Variants in NMU observed in about 807,000 individuals in gnomAD.
The protein encoded by NMU is neuromedin U.
NMU carries 29 observed loss-of-function variants against 35.4 expected under a neutral mutation model. The observed-to-expected ratio is 0.82, with a 90% CI of 0.61 to 1.12. The LOEUF (loss-of-function observed/expected upper bound fraction) is 1.12, where lower values mean the gene tolerates loss of function less well. NMU is among the 50% of genes most tolerant of loss of function. The pLI is 0.00. For missense variants in NMU, 199 were observed against 206.2 expected (o/e 0.97, Z 0.21); for synonymous variants, 78 against 81.3 (o/e 0.96, Z 0.22).
chr4:55,625,805 T>C (rs776343830), intron 2 of NMU, among the ~76,000 whole-genome samples: 1 of 151,692 alleles, frequency 6.6e-6, no homozygotes, highest in Non-Finnish European at 1.5e-5. Context: ...ACACTGTCCA[T>C]TGAGACCTAT....
At chr4:55,595,483 G>A (rs939766397) in intron 9 of NMU, 72 bp from the exon 10 acceptor site, 7 of 146,168 alleles carry the variant, frequency 4.8e-5, no homozygotes, top group African/African-American at 1.8e-4. Flanking sequence ...TTTGTATATA[G>A]ACATTTCTAT....
intron 2 of NMU, 55 bp downstream of exon 2, chr4:55,630,347 A>G (rs1232096048): frequency 6.3e-6 from 8 of 1,272,090 alleles, no homozygotes; most frequent in Non-Finnish European, 9.2e-6. Context: ...TTTTAACATG[A>G]TAATTTCAAA....
chr4:55,608,228 C>CT lies in NMU; in HGVS notation c.280-763dup, dbSNP rs1254948635. 2.7e-5 allele frequency among the ~76,000 whole-genome samples: 4 copies of CT among 146,054 alleles called. No individual in the cohort carries two copies. The East Asian group carries it at 8.1e-4, about 29-fold the overall frequency. ...TTATAATTCCTTTTTTGTTGTTGTT[C>CT]TTTCTCACTTGCTTTTAATACAAAT... is the stretch of plus-strand genomic sequence containing the variant. On this transcript the variant is annotated intron_variant, in intron 4 of 9. Transcript: ENST00000264218.
chr4:55,634,019 T>C (rs1046194333), intron 1 of NMU, among the ~76,000 whole-genome samples: 6 of 152,236 alleles, frequency 3.9e-5, no homozygotes. Context: ...ATGGCCATTG[T>C]ATGCTCTAAT....
intron 7 of NMU, among the ~76,000 whole-genome samples, chr4:55,602,792 A>G (rs1733477932): frequency 6.6e-6 from 1 of 152,190 alleles, no homozygotes; most frequent in Non-Finnish European, 1.5e-5. Flanking sequence ...TTGGCATCAG[A>G]TATTGTCTTC....
intron 2 of NMU, among the ~76,000 whole-genome samples, chr4:55,626,568 G>A (rs532065983): frequency 2.0e-5 from 3 of 152,290 alleles, no homozygotes; most frequent in Admixed American, 6.5e-5. Context: ...TTAGCCGGCC[G>A]TGGTGGCACG....
rs1715926518 is a variant in NMU, at chr4:55,636,282, G to A, written c.-90C>T. 5.0e-6 allele frequency: 7 copies of A among 1,397,760 alleles called. No homozygotes were observed. Among genetic ancestry groups the A allele is most frequent in the Non-Finnish European group, 5.5e-6 (6 of 1,085,150 alleles). The allele number at this position is 1,397,760 out of a possible 1,614,324, so 86.6% of individuals were successfully genotyped here. A position where few individuals can be genotyped will look rare whatever the true frequency, so the allele number is the denominator to read the frequency against. On this transcript the variant is annotated 5_prime_UTR_variant, in exon 1 of 10. Coordinates refer to ENST00000264218, the MANE Select transcript of NMU (RefSeq NM_006681.4). This position sits in a 1 kb window ranked among gnomAD's most constrained non-coding sequence, Gnocchi z 4.0. ...ACCTGGTGCCCTGGCTGTGCCTCGG[G>A]GCCCGGACACAGGACTGAGCGCCCG...
intron 7 of NMU, among the ~76,000 whole-genome samples, chr4:55,601,049 G>A (rs1733405363): frequency 6.6e-6 from 1 of 151,946 alleles, no homozygotes; most frequent in South Asian, 2.1e-4. Context: ...GAAATTGAAG[G>A]ACAAATTTGG....
intron 3 of NMU, among the ~76,000 whole-genome samples, chr4:55,611,349 T>C (rs1442963654): frequency 6.6e-6 from 1 of 152,032 alleles, no homozygotes; most frequent in Non-Finnish European, 1.5e-5. Flanking sequence ...GATGACAGAA[T>C]GAAACCCTGT....
rs938782653 is a variant in NMU at position 55,597,176 on chromosome 4, C to T, written c.*5-1765G>A. On this transcript the variant is annotated intron_variant, in intron 9 of 9. Coordinates refer to ENST00000264218, the MANE Select transcript of NMU (RefSeq NM_006681.4). ...AATATTTATAAATACAATTTACTTA[C>T]AGTTTCATTTTTTTATACTTTTTAA... Among the ~76,000 whole-genome samples the T allele has an allele frequency of 8.6e-5, 13 of 151,892 alleles. 1 individual carries two copies. Among genetic ancestry groups the T allele is most frequent in the Admixed American group, 8.5e-4 (13 of 15,254 alleles).
chr4:55,600,205 T>C (rs759948116), intron 8 of NMU, among the ~76,000 whole-genome samples: 65 of 151,936 alleles, frequency 4.3e-4, no homozygotes, highest in Non-Finnish European at 6.9e-4. Flanking sequence ...AATAATTCCA[T>C]AGAACATAAG....
intron 3 of NMU, among the ~76,000 whole-genome samples, chr4:55,613,039 G>A (rs144448863): frequency 5.3e-5 from 8 of 152,214 alleles, no homozygotes; most frequent in African/African-American, 1.2e-4. Flanking sequence ...TACCCTAAGC[G>A]AAATAACATA....
intron 6 of NMU, 145 bp downstream of exon 6, chr4:55,607,149 TAATA>T (rs111818323): frequency 1.6e-6 from 1 of 621,782 alleles, no homozygotes. Context: ...ATCAAATGTA[TAATA>T]AATATTGAAT....
chr4:55,635,966 A>G (rs1365625941), intron 1 of NMU, 115 bp downstream of exon 1: 1 of 1,507,262 alleles, frequency 6.6e-7, no homozygotes, highest in Non-Finnish European at 8.9e-7. Flanking sequence ...AGAGAAGCCA[A>G]GTGAAGTCCC....
chr4:55,632,363 TAAC>T (rs1373888343), intron 1 of NMU, among the ~76,000 whole-genome samples: 4 of 152,190 alleles, frequency 2.6e-5, no homozygotes, highest in African/African-American at 7.2e-5. Context: ...TAAGTTCTAA[TAAC>T]AACAATAATA....
chr4:55,636,248 T>A lies in NMU; in HGVS notation c.-56A>T, dbSNP rs936694446. 1.3e-5 allele frequency: 19 copies of A among 1,418,440 alleles called. No individual in the cohort carries two copies. The highest frequency in any genetic ancestry group is 1.6e-5 in the Non-Finnish European group (18 of 1,096,212). 87.9% of individuals were successfully genotyped at this position (1,418,440 alleles called of 1,614,324 possible). On this transcript the variant is annotated 5_prime_UTR_variant, in exon 1 of 10. Transcript: ENST00000264218. This position sits in a 1 kb window ranked among gnomAD's most constrained non-coding sequence, Gnocchi z 4.0. The stretch of plus-strand genomic sequence containing the variant: ...GACGCTGCGCTGCGCCACGCGTAGC[T>A]GGTGCTCCACCTGGTGCCCTGGCTG...
intron 1 of NMU, among the ~76,000 whole-genome samples, chr4:55,632,446 A>T (rs961278028): frequency 6.6e-6 from 1 of 152,242 alleles, no homozygotes; most frequent in African/African-American, 2.4e-5. Context: ...CATGCAGTCC[A>T]TAAAAGAGTT....
chr4:55,605,180 A>G, intron 7 of NMU, 95 bp downstream of exon 7: 2 of 853,616 alleles, frequency 2.3e-6, no homozygotes, highest in Non-Finnish European at 4.1e-6. Flanking sequence ...CTTATCCTGA[A>G]GAGCAGCATT....
rs1340984976 is a variant in NMU, at chr4:55,636,101, C to A, written c.92G>T (p.Trp31Leu). 1.3e-6 allele frequency: 2 copies of A among 1,530,830 alleles called. No homozygotes were observed. The highest frequency in any genetic ancestry group is 4.9e-5 in the East Asian group (2 of 40,508). The allele number at this position is 1,530,830 out of a possible 1,614,324, so 94.8% of individuals were successfully genotyped here. A position where few individuals can be genotyped will look rare whatever the true frequency, so the allele number is the denominator to read the frequency against. ...PLLLLLLLLA[W>L]CAGACRGAPI... is the part of the protein sequence containing the mutation. The stretch of plus-strand genomic sequence containing the variant: ...CTTACCTCGGCAGGCGCCCGCGCAC[C>A]AGGCGAGCAGCAGCAGCAGCAGCAG... The change falls in exon 1 of 10, where the codon TGG (tryptophan) becomes TTG (leucine). Residue 31 changes from tryptophan to leucine, a missense_variant. Coordinates refer to ENST00000264218, the MANE Select transcript of NMU (RefSeq NM_006681.4). The surrounding 1 kb of genome is among the most constrained non-coding windows in gnomAD (Gnocchi z 4.0).
Sources: gnomAD v4.1 joint callset for allele counts (sites outside exome capture counted in the v4.1 genomes callset) on GRCh38, gnomAD v4.1.1 for gene constraint, Gnocchi (gnomAD v3.1) non-coding constraint, MANE v1.5 for transcripts, NCBI Gene and HGNC (gene_info 2026-07-23, HGNC 2026-07-21) for gene names.